KPNA3: variants seen among roughly 807,000 people sequenced by gnomAD.
The protein encoded by KPNA3 is importin subunit alpha-4.
Under a neutral mutation model 73.8 loss-of-function variants are expected in KPNA3, and 13 were observed. The ratio of observed to expected loss-of-function variants is 0.18; its 90% confidence interval spans 0.11 to 0.28. The LOEUF (loss-of-function observed/expected upper bound fraction) is 0.28. Among genes scored for constraint, KPNA3 ranks in the 10% least tolerant of loss-of-function variants. KPNA3 has a pLI of 1.00. For synonymous variants in KPNA3, 186 were observed against 206.9 expected, an observed-to-expected ratio of 0.90 and a Z score of 0.87; for missense variants, 360 against 618.1, an observed-to-expected ratio of 0.58 and a Z score of 4.43.
chr13:49,734,736 T>C (rs960202907), intron 2 of KPNA3, among the ~76,000 whole-genome samples: 5 of 152,138 alleles, frequency 3.3e-5, no homozygotes, highest in Non-Finnish European at 5.9e-5. Context: ...TAAAACCAGT[T>C]TCCAAACACA....
chr13:49,775,924 G>A (rs772942112), intron 1 of KPNA3, among the ~76,000 whole-genome samples: 6 of 152,004 alleles, frequency 3.9e-5, no homozygotes, highest in Admixed American at 1.3e-4. Context: ...TTCCGAAATT[G>A]GATTTATTTA....
Position 49,710,899 on chromosome 13 carries a change from T to C in KPNA3, c.895A>G (p.Lys299Glu). Reference sequence around the variant, plus strand: ...AATTTAAAAATACTTACTTGAACTTTGACTTCCTGATGGCTCAGAAGGGGC... The same window carrying C: ...AATTTAAAAATACTTACTTGAACTTCGACTTCCTGATGGCTCAGAAGGGGC... ...LVPLLSHQEV[K>E]VQTAALRAVG... The change falls in exon 11 of 17, where the codon AAA (lysine) becomes GAA (glutamate). Residue 299 changes from lysine to glutamate, a missense_variant. Transcript: ENST00000261667. The C allele has an allele frequency of 6.2e-7, 1 of 1,612,110 alleles. No homozygotes were observed. The highest frequency in any genetic ancestry group is 8.5e-7 in the Non-Finnish European group (1 of 1,179,454).
chr13:49,721,220 A>G (rs1954353772), intron 9 of KPNA3, among the ~76,000 whole-genome samples: 1 of 114,396 alleles, frequency 8.7e-6, no homozygotes. Flanking sequence ...CTGTCTCAAA[A>G]GAAGAAGAAG....
At chr13:49,789,354 T>C (rs892988487) in intron 1 of KPNA3, among the ~76,000 whole-genome samples, 1 of 152,170 alleles carries the variant, frequency 6.6e-6, no homozygotes, top group Non-Finnish European at 1.5e-5. Context: ...ATTTTTTTTT[T>C]CCTCTCCAAA....
At chr13:49,772,033 C>A (rs1284666197) in intron 1 of KPNA3, among the ~76,000 whole-genome samples, 1 of 152,172 alleles carries the variant, frequency 6.6e-6, no homozygotes, top group Non-Finnish European at 1.5e-5. Flanking sequence ...TTGTATCCTG[C>A]AACCTTGTTG....
At chr13:49,703,332 C>A (rs530655182) in intron 15 of KPNA3, among the ~76,000 whole-genome samples, 1 of 151,870 alleles carries the variant, frequency 6.6e-6, no homozygotes, top group South Asian at 2.1e-4. Context: ...AGGTGCCCAC[C>A]ACTATGCCCA....
rs751727315 is a variant in KPNA3, at chr13:49,705,757, T to C, written c.1236A>G (p.Val412=). 6.2e-7 allele frequency: 1 copy of C among 1,613,520 alleles called. No homozygotes were observed. The highest frequency in any genetic ancestry group is 1.1e-5 in the South Asian group (1 of 91,052). The change falls in exon 15 of 17, where the codon GTA becomes GTG. Residue 412 remains valine (V), a synonymous_variant. Coordinates refer to ENST00000261667, the MANE Select transcript of KPNA3 (RefSeq NM_002267.4). ...DQVEYLVQQN[V]IPPFCNLLSV... The stretch of plus-strand genomic sequence containing the variant: ...ACAGTAAATTACAGAACGGTGGTAT[T>C]ACATTCTGCTGTACAAGGTACTCAA...
chr13:49,759,012 G>C (rs773617597), intron 1 of KPNA3, among the ~76,000 whole-genome samples: 1 of 152,104 alleles, frequency 6.6e-6, no homozygotes, highest in Admixed American at 6.6e-5. Context: ...AGATATTTAC[G>C]AGACTAGAGT....
At chr13:49,740,079 C>T (rs1048205040) in intron 2 of KPNA3, among the ~76,000 whole-genome samples, 17 of 151,936 alleles carry the variant, frequency 1.1e-4, no homozygotes, top group South Asian at 8.3e-4. Flanking sequence ...GGCGAAATCC[C>T]GTATCTACCA....
In KPNA3 at chr13:49,702,074, G is replaced by A. The variant is rs935904964; in HGVS notation, c.1468-176C>T. The stretch of plus-strand genomic sequence containing the variant: ...AATTTAACAATTTAAAATTTAACAC[G>A]TTTCGAAACTGCATTGTTAAGTTTC... On this transcript the variant is annotated intron_variant, in intron 16 of 16. Transcript: ENST00000261667. Among the ~76,000 whole-genome samples, 4 of 152,058 alleles carry A rather than the reference G, an allele frequency of 2.6e-5. No individual in the cohort carries two copies. The East Asian group carries it at 7.7e-4, about 29-fold the overall frequency.
chr13:49,736,844 G>A (rs1013471320), intron 2 of KPNA3, among the ~76,000 whole-genome samples: 4 of 152,008 alleles, frequency 2.6e-5, no homozygotes, highest in South Asian at 4.1e-4. Flanking sequence ...ATCTGACACC[G>A]TATATAACCC....
intron 2 of KPNA3, among the ~76,000 whole-genome samples, chr13:49,735,502 T>G (rs528914970): frequency 2.6e-5 from 4 of 152,316 alleles, no homozygotes; most frequent in African/African-American, 9.6e-5. Flanking sequence ...AGATTAATCA[T>G]TAAAACCAGT....
At chr13:49,724,731 C>T (rs985300560) in intron 7 of KPNA3, among the ~76,000 whole-genome samples, 4 of 152,084 alleles carry the variant, frequency 2.6e-5, no homozygotes, top group South Asian at 2.1e-4. Context: ...TGAGTAGGTG[C>T]GACTATAGGC....
intron 1 of KPNA3, among the ~76,000 whole-genome samples, chr13:49,768,898 G>C (rs190493481): frequency 1.3e-5 from 2 of 152,090 alleles, no homozygotes; most frequent in Non-Finnish European, 2.9e-5. Context: ...GTTTCTTGCT[G>C]TTCTGTTAGC....
intron 1 of KPNA3, among the ~76,000 whole-genome samples, chr13:49,787,869 G>A (rs1439203120): frequency 6.6e-6 from 1 of 152,058 alleles, no homozygotes; most frequent in African/African-American, 2.4e-5. Context: ...TAGTAGAGAC[G>A]GGGTTTCACC....
intron 1 of KPNA3, among the ~76,000 whole-genome samples, chr13:49,779,251 A>G (rs569784657): frequency 1.3e-5 from 2 of 152,360 alleles, no homozygotes; most frequent in Admixed American, 6.5e-5. Context: ...CTAGTACAGT[A>G]CTTACCTCAG....
chr13:49,709,199 G>A (rs1045419892), intron 12 of KPNA3, among the ~76,000 whole-genome samples: 8 of 152,034 alleles, frequency 5.3e-5, no homozygotes, highest in African/African-American at 1.7e-4. Context: ...TCAGGAGTTC[G>A]AGACCAGCCT....
intron 1 of KPNA3, among the ~76,000 whole-genome samples, chr13:49,771,949 C>CA (rs1214753442): frequency 1.3e-5 from 2 of 152,178 alleles, no homozygotes; most frequent in Non-Finnish European, 2.9e-5. Context: ...TATAGGCCAC[C>CA]ACACCTGGCC....
intron 10 of KPNA3, among the ~76,000 whole-genome samples, chr13:49,716,957 GAAC>G (rs537675486): frequency 1.1e-3 from 167 of 152,120 alleles, no homozygotes; most frequent in Admixed American, 3.7e-3. Flanking sequence ...CGCCACTGAG[GAAC>G]AACAAGTTCC....
Sources: gnomAD v4.1 joint callset for allele counts (sites outside exome capture counted in the v4.1 genomes callset) on GRCh38, gnomAD v4.1.1 for gene constraint, MANE v1.5 for transcripts, NCBI Gene and HGNC (gene_info 2026-07-23, HGNC 2026-07-21) for gene names.